MAP7: variants seen among roughly 807,000 people sequenced by gnomAD.
MAP7 encodes microtubule associated protein 7.
A neutral mutation model predicts 94.8 loss-of-function variants in MAP7; 52 were observed. The observed-to-expected ratio is 0.55, with a 90% CI of 0.44 to 0.69. MAP7 has a LOEUF of 0.69. Among genes scored for constraint, MAP7 ranks in the 30% least tolerant of loss-of-function variants. MAP7 has a pLI of 0.00. For synonymous variants in MAP7, 350 were observed against 357.0 expected, an observed-to-expected ratio of 0.98 and a Z score of 0.22; for missense variants, 940 against 964.6, an observed-to-expected ratio of 0.97 and a Z score of 0.34.
intron 1 of MAP7, among the ~76,000 whole-genome samples, chr6:136,500,821 A>G (rs1819627624): frequency 1.3e-5 from 2 of 152,236 alleles, no homozygotes; most frequent in Non-Finnish European, 2.9e-5. Flanking sequence ...ATTACAAAGC[A>G]GAATAAAAAT....
intron 5 of MAP7, among the ~76,000 whole-genome samples, chr6:136,385,696 T>C (rs995159856): frequency 3.9e-5 from 6 of 152,350 alleles, no homozygotes; most frequent in Non-Finnish European, 7.4e-5. Flanking sequence ...TATTACTTAA[T>C]ATATAAGACA....
At chr6:136,440,164 C>T (rs550820456) in intron 1 of MAP7, among the ~76,000 whole-genome samples, 4 of 152,156 alleles carry the variant, frequency 2.6e-5, no homozygotes, top group South Asian at 2.1e-4. Context: ...AGGTGTGAGC[C>T]GGGTGACTAT....
chr6:136,362,423 T>C (rs1462594011), intron 11 of MAP7, 27 bp downstream of exon 11: 1 of 1,610,758 alleles, frequency 6.2e-7, no homozygotes, highest in Non-Finnish European at 8.5e-7. Context: ...ACTGACACCA[T>C]GGTGTGGAGC....
intron 1 of MAP7, among the ~76,000 whole-genome samples, chr6:136,524,033 G>A (rs889071238): frequency 6.6e-6 from 1 of 152,070 alleles, no homozygotes; most frequent in African/African-American, 2.4e-5. Context: ...AAGGTCAGGA[G>A]TTTGAGACCA....
intron 6 of MAP7, among the ~76,000 whole-genome samples, chr6:136,382,981 C>T (rs1351079550): frequency 6.6e-6 from 1 of 151,996 alleles, no homozygotes; most frequent in Non-Finnish European, 1.5e-5. Context: ...CTATGTAAAA[C>T]AAAACTTTTG....
At chr6:136,447,748 A>C (rs1373997395) in intron 1 of MAP7, among the ~76,000 whole-genome samples, 1 of 152,208 alleles carries the variant, frequency 6.6e-6, no homozygotes, top group Non-Finnish European at 1.5e-5. Context: ...CTTATCCTGA[A>C]AGTCATCACC....
intron 1 of MAP7, among the ~76,000 whole-genome samples, chr6:136,516,912 A>G (rs1173957553): frequency 1.3e-4 from 20 of 151,494 alleles, no homozygotes; most frequent in Admixed American, 1.3e-3. Context: ...CCATCAAGCA[A>G]CTCACATACA....
intron 1 of MAP7, among the ~76,000 whole-genome samples, chr6:136,496,677 C>T (rs1347149237): frequency 6.6e-6 from 1 of 150,404 alleles, no homozygotes; most frequent in Admixed American, 6.7e-5. Context: ...CAGTAGCTCA[C>T]ACCTGTAATT....
intron 1 of MAP7, among the ~76,000 whole-genome samples, chr6:136,442,260 C>G (rs912565652): frequency 2.0e-5 from 3 of 149,626 alleles, no homozygotes; most frequent in African/African-American, 7.4e-5. Context: ...AAAAAATTAG[C>G]CGGACATGGT....
rs760957858 is a variant in MAP7 at position 136,362,632 on chromosome 6, G to A, written c.1344C>T (p.Val448=). ...GGGCTGAGACCATGGCTGGGGTGGGGACCGGGGCTGGAGCTGGGGCCGAGG... is the reference window on the plus strand; with the variant it reads ...GGGCTGAGACCATGGCTGGGGTGGGAACCGGGGCTGGAGCTGGGGCCGAGG... ...APASAPAPAP[V]PTPAMVSAPS... is the part of the protein sequence containing the mutation. The change falls in exon 11 of 18, where the codon GTC becomes GTT. Residue 448 remains valine (V), a synonymous_variant. Coordinates refer to ENST00000354570, the MANE Select transcript of MAP7 (RefSeq NM_003980.6). The A allele has an allele frequency of 6.2e-7, 1 of 1,612,142 alleles. No homozygotes were observed. The highest frequency in any genetic ancestry group is 1.3e-5 in the African/African-American group (1 of 74,880).
At chr6:136,449,014 A>AC (rs1468983478) in intron 1 of MAP7, among the ~76,000 whole-genome samples, 2 of 90,828 alleles carry the variant, frequency 2.2e-5, no homozygotes, top group African/African-American at 4.0e-5. Context: ...AAAAAAAAAA[A>AC]AAAAAAGAAG....
chr6:136,390,933 C>A (rs1780522604), intron 3 of MAP7, among the ~76,000 whole-genome samples: 2 of 152,186 alleles, frequency 1.3e-5, no homozygotes, highest in African/African-American at 2.4e-5. Context: ...AGCTAGGCTA[C>A]TAACTGGTGC....
At chr6:136,422,890 C>A (rs1482772825) in intron 1 of MAP7, among the ~76,000 whole-genome samples, 1 of 152,136 alleles carries the variant, frequency 6.6e-6, no homozygotes, top group Non-Finnish European at 1.5e-5. Context: ...TCTTCAAAAA[C>A]TTCTTTGGTG....
chr6:136,496,831 G>A (rs1433387384), intron 1 of MAP7, among the ~76,000 whole-genome samples: 1 of 148,320 alleles, frequency 6.7e-6, no homozygotes, highest in Non-Finnish European at 1.5e-5. Flanking sequence ...GCACATGCCT[G>A]TAATTCCAGC....
intron 1 of MAP7, among the ~76,000 whole-genome samples, chr6:136,446,038 G>T (rs1052063896): frequency 6.6e-6 from 1 of 152,164 alleles, no homozygotes; most frequent in Non-Finnish European, 1.5e-5. Context: ...ATAAATTGGG[G>T]TTCCCACAAC....
rs190137793 is a variant in MAP7, at chr6:136,549,606, T to C, written c.67+736A>G. Among the ~76,000 whole-genome samples, 740 of 152,286 alleles carry C rather than the reference T, an allele frequency of 4.9e-3. 4 individuals are homozygous for C. The highest frequency in any genetic ancestry group is 0.039 in the East Asian group (203 of 5,170). ...GAGGGGTATCCTCAACACAGAGGCC[T>C]GACCACCAAATCCCGGGCTGCAGAG... On this transcript the variant is annotated intron_variant, in intron 1 of 17. Coordinates refer to ENST00000354570, the MANE Select transcript of MAP7 (RefSeq NM_003980.6).
intron 1 of MAP7, among the ~76,000 whole-genome samples, chr6:136,446,269 G>A (rs1375680597): frequency 1.3e-5 from 2 of 151,828 alleles, no homozygotes; most frequent in African/African-American, 2.4e-5. Flanking sequence ...AGGTGGATAG[G>A]GCGCAGCGTA....
chr6:136,504,701 G>T (rs1204013373), intron 1 of MAP7, among the ~76,000 whole-genome samples: 3 of 150,792 alleles, frequency 2.0e-5, no homozygotes, highest in Non-Finnish European at 4.4e-5. Context: ...AAATTTTTTA[G>T]ACATAGTCTC....
chr6:136,411,906 GA>G (rs1787601586), intron 2 of MAP7, among the ~76,000 whole-genome samples: 1 of 152,110 alleles, frequency 6.6e-6, no homozygotes, highest in African/African-American at 2.4e-5. Flanking sequence ...TCTTCTATTT[GA>G]AAACATGTAA....
Sources: allele counts gnomAD v4.1 joint callset (sites outside exome capture counted in the v4.1 genomes callset), GRCh38; gene constraint gnomAD v4.1.1; transcripts MANE v1.5; gene names NCBI Gene and HGNC (gene_info 2026-07-23, HGNC 2026-07-21).